CCR9: variants seen among roughly 807,000 people sequenced by gnomAD.
The protein encoded by CCR9 is C-C motif chemokine receptor 9.
Under a neutral mutation model 8.7 loss-of-function variants are expected in CCR9, and 4 were observed. The observed-to-expected ratio is 0.46, with a 90% CI of 0.23 to 1.06. The LOEUF (loss-of-function observed/expected upper bound fraction) is 1.06, where lower values mean the gene tolerates loss of function less well. Ranked by LOEUF, CCR9 falls within the 50% of genes least tolerant of loss-of-function variation. The pLI is 0.21. For synonymous variants in CCR9, 159 were observed against 168.8 expected (o/e 0.94, Z 0.45); for missense variants, 394 against 453.6 (o/e 0.87, Z 1.19).
Position 45,902,040 on chromosome 3 carries a change from C to CATAT in CCR9, c.*143_*144insTATA. 1 of 737,926 alleles carries CATAT rather than the reference C, an allele frequency of 1.4e-6. No individual in the cohort carries two copies. The highest frequency in any genetic ancestry group is 2.2e-6 in the Non-Finnish European group (1 of 462,644). 45.7% of individuals were successfully genotyped at this position (737,926 alleles called of 1,614,324 possible). A position where few individuals can be genotyped will look rare whatever the true frequency, so the allele number is the denominator to read the frequency against. On this transcript the variant is annotated 3_prime_UTR_variant, in exon 3 of 3. Transcript: ENST00000357632. ...TCTGAACTATATGATTACTTGTAGT[C>CATAT]AGAATTTGCCAAAGCAAATATTTCA... is the stretch of plus-strand genomic sequence containing the variant.
Position 45,900,740 on chromosome 3 carries a change from T to A in CCR9, c.22-70T>A. On this transcript the variant is annotated intron_variant, in intron 2 of 2. Coordinates refer to ENST00000357632, the MANE Select transcript of CCR9 (RefSeq NM_031200.3). The surrounding 1 kb of genome is among the most constrained non-coding windows in gnomAD (Gnocchi z 4.7). ...GGGGTTGGAAGGGTCAAGAGGTCCA[T>A]GCCTCTGCCATCAGACAGGACCTTC... The A allele has an allele frequency of 6.6e-7, 1 of 1,511,254 alleles. No homozygotes were observed. Among genetic ancestry groups the A allele is most frequent in the Non-Finnish European group, 8.9e-7 (1 of 1,118,580 alleles). 93.6% of individuals were successfully genotyped at this position (1,511,254 alleles called of 1,614,324 possible). A position where few individuals can be genotyped will look rare whatever the true frequency, so the allele number is the denominator to read the frequency against.
intron 1 of CCR9, among the ~76,000 whole-genome samples, chr3:45,889,597 A>T (rs1293097021): frequency 6.6e-6 from 1 of 152,148 alleles, no homozygotes; most frequent in African/African-American, 2.4e-5. Context: ...TGAAAACATG[A>T]AAGTTCATTT....
Position 45,902,151 on chromosome 3 carries a change from T to G in CCR9, c.*253T>G. ...TCAAAGGAGGACTAAGGACCGGCAC[T>G]GTGGAGCACCCTGGCTTTGCCACTC... is the stretch of plus-strand genomic sequence containing the variant. On this transcript the variant is annotated 3_prime_UTR_variant, in exon 3 of 3. Transcript: ENST00000357632. The G allele has an allele frequency of 2.5e-6, 1 of 392,844 alleles. No homozygotes were observed. The highest frequency in any genetic ancestry group is 4.7e-6 in the Non-Finnish European group (1 of 211,794). The allele number at this position is 392,844 out of a possible 1,614,324, so 24.3% of individuals were successfully genotyped here.
chr3:45,895,090 C>T (rs41289610), intron 2 of CCR9, 136 bp downstream of exon 2: 9,766 of 924,650 alleles, frequency 0.011, 91 homozygotes, highest in East Asian at 0.026. Flanking sequence ...CCTGGCAATG[C>T]GCATTGCTGG....
chr3:45,897,461 C>A, intron 2 of CCR9: 1 of 757,384 alleles, frequency 1.3e-6, no homozygotes, highest in Non-Finnish European at 2.3e-6. Flanking sequence ...GGGATTCAGT[C>A]TTGGGAGTGT....
chr3:45,889,819 T>G (rs2125739725), intron 1 of CCR9, among the ~76,000 whole-genome samples: 1 of 152,200 alleles, frequency 6.6e-6, no homozygotes, highest in South Asian at 2.1e-4. Flanking sequence ...TTTATTGGAT[T>G]GATGTGTCAT....
Position 45,901,116 on chromosome 3 carries a change from G to A in CCR9, c.328G>A (p.Asp110Asn), listed in dbSNP as rs56064700. The change falls in exon 3 of 3, where the codon GAC becomes AAC. Residue 110 changes from aspartate (D) to asparagine (N), a missense_variant. Coordinates refer to ENST00000357632, the MANE Select transcript of CCR9 (RefSeq NM_031200.3). The surrounding 1 kb of genome is among the most constrained non-coding windows in gnomAD (Gnocchi z 4.3). ...TLPFWAIAAA[D>N]QWKFQTFMCK... is the part of the protein sequence containing the mutation. ...TCCCTTCTGGGCCATTGCTGCTGCT[G>A]ACCAGTGGAAGTTCCAGACCTTCAT... The A allele has an allele frequency of 4.4e-4, 716 of 1,614,066 alleles. 9 individuals carry two copies. The East Asian group carries it at 0.016, about 35-fold the overall frequency.
intron 1 of CCR9, among the ~76,000 whole-genome samples, chr3:45,889,139 C>A (rs2125738561): frequency 6.6e-6 from 1 of 152,194 alleles, no homozygotes; most frequent in Non-Finnish European, 1.5e-5. Context: ...GGTAGGCAAC[C>A]ATGCCTGGCA....
intron 2 of CCR9, among the ~76,000 whole-genome samples, chr3:45,897,986 A>AC (rs1702416760): frequency 6.6e-6 from 1 of 151,728 alleles, no homozygotes; most frequent in Non-Finnish European, 1.5e-5. Flanking sequence ...AAAAAAAAAA[A>AC]AAAAAAACAC....
chr3:45,891,809 C>G (rs1472961274), intron 1 of CCR9, among the ~76,000 whole-genome samples: 1 of 152,106 alleles, frequency 6.6e-6, no homozygotes, highest in African/African-American at 2.4e-5. Flanking sequence ...CTCACTTGAC[C>G]TTGATATTTG....
chr3:45,899,683 G>C (rs1019581271), intron 2 of CCR9, among the ~76,000 whole-genome samples: 1 of 152,190 alleles, frequency 6.6e-6, no homozygotes, highest in African/African-American at 2.4e-5. Flanking sequence ...GAAACTGGTG[G>C]GAAGTGAGAG....
At chr3:45,895,149 T>C in intron 2 of CCR9, 195 bp downstream of exon 2, 2 of 627,246 alleles carry the variant, frequency 3.2e-6, no homozygotes, top group South Asian at 1.9e-5. Flanking sequence ...AAGAGGCAGC[T>C]ATGCTTTGGG....
intron 1 of CCR9, among the ~76,000 whole-genome samples, chr3:45,888,266 C>G (rs1702044055): frequency 6.6e-6 from 1 of 152,180 alleles, no homozygotes; most frequent in East Asian, 1.9e-4. Context: ...AATGTTCCCT[C>G]CCCTCGTTGC....
intron 1 of CCR9, among the ~76,000 whole-genome samples, chr3:45,892,190 C>T (rs1575295980): frequency 6.6e-6 from 1 of 152,176 alleles, no homozygotes; most frequent in African/African-American, 2.4e-5. Context: ...CATACATATA[C>T]ATATACAAAT....
At chr3:45,899,555 T>C (rs1046023779) in intron 2 of CCR9, among the ~76,000 whole-genome samples, 1 of 152,220 alleles carries the variant, frequency 6.6e-6, no homozygotes, top group Non-Finnish European at 1.5e-5. Context: ...CTATTGCATT[T>C]GCCTCAGGAT....
chr3:45,886,836 G>A (rs2125734631), intron 1 of CCR9, among the ~76,000 whole-genome samples, 181 bp downstream of exon 1: 1 of 152,230 alleles, frequency 6.6e-6, no homozygotes, highest in East Asian at 1.9e-4. Flanking sequence ...CCCAACCCAG[G>A]TTTCTTGTAG....
intron 2 of CCR9, among the ~76,000 whole-genome samples, chr3:45,898,467 GGAGAC>G (rs1702440100): frequency 6.6e-6 from 1 of 152,228 alleles, no homozygotes; most frequent in African/African-American, 2.4e-5. Context: ...TATAAAATAG[GGAGAC>G]GAGTTTTCTT....
chr3:45,892,406 T>G (rs1295428736), intron 1 of CCR9, among the ~76,000 whole-genome samples: 6 of 152,168 alleles, frequency 3.9e-5, no homozygotes, highest in Admixed American at 2.6e-4. Flanking sequence ...TCCTGTCCTT[T>G]GAAGCAACAT....
rs756535923 is a variant in CCR9, at chr3:45,889,315, AT to A, written c.-29+2661del. Among the ~76,000 whole-genome samples, 17 of 151,656 alleles carry A rather than the reference AT, an allele frequency of 1.1e-4. No homozygotes were observed. In the East Asian group the frequency reaches 3.3e-3, roughly 29 times the overall value. Reference sequence around the variant, plus strand: ...TTATATATTACCTTTAAAAAAAAAAATAAAGAGAAACCTTTATAGAAAGCTA... The same window carrying A: ...TTATATATTACCTTTAAAAAAAAAAAAAAGAGAAACCTTTATAGAAAGCTA... On this transcript the variant is annotated intron_variant, in intron 1 of 2. Transcript: ENST00000357632.
Sources: gnomAD v4.1 joint callset for allele counts (sites outside exome capture counted in the v4.1 genomes callset) on GRCh38, gnomAD v4.1.1 for gene constraint, Gnocchi (gnomAD v3.1) non-coding constraint, MANE v1.5 for transcripts, NCBI Gene and HGNC (gene_info 2026-07-23, HGNC 2026-07-21) for gene names.